ALPK1: variants seen among roughly 807,000 people sequenced by gnomAD.
ALPK1 encodes alpha kinase 1.
ALPK1 carries 110 observed loss-of-function variants against 120.6 expected under a neutral mutation model. The observed-to-expected ratio is 0.91, with a 90% CI of 0.78 to 1.07. The LOEUF is 1.07. ALPK1 is among the 50% of genes least tolerant of loss of function. ALPK1 has a pLI of 0.00. For synonymous variants in ALPK1, 582 were observed against 560.3 expected (o/e 1.04, Z -0.55); for missense variants, 1,498 against 1,483.9 (o/e 1.01, Z -0.16).
At chr4:112,441,173 G>A (rs1735028806) in intron 15 of ALPK1, 30 bp from the exon 16 acceptor site, 1 of 1,612,764 alleles carries the variant, frequency 6.2e-7, no homozygotes, top group African/African-American at 1.3e-5. Context: ...ATCTGGTGAT[G>A]CTCGCAAATA....
In ALPK1 at chr4:112,432,261, G is replaced by A. The variant is rs770512033; in HGVS notation, c.2714G>A (p.Cys905Tyr). 5.6e-6 allele frequency: 9 copies of A among 1,614,186 alleles called. No individual in the cohort carries two copies. In the South Asian group the frequency reaches 6.6e-5, roughly 12 times the overall value. ...NILFPVLSED[C>Y]TTTEEGNQPG... is the part of the protein sequence containing the mutation. Reference sequence around the variant, plus strand: ...CTCTTCCCTGTCCTCAGCGAGGACTGCACTACCACAGAGGAAGGAAATCAG... The same window carrying A: ...CTCTTCCCTGTCCTCAGCGAGGACTACACTACCACAGAGGAAGGAAATCAG... The change falls in exon 11 of 16, where the codon TGC becomes TAC. Residue 905 changes from cysteine (C) to tyrosine (Y), a missense_variant. Transcript: ENST00000650871.
intron 2 of ALPK1, among the ~76,000 whole-genome samples, chr4:112,337,956 A>T (rs920000778): frequency 1.3e-5 from 2 of 152,164 alleles, no homozygotes; most frequent in African/African-American, 4.8e-5. Flanking sequence ...AATTTTGATT[A>T]ATAAACTATT....
chr4:112,324,702 C>T lies in ALPK1; in HGVS notation c.-101+8850C>T, dbSNP rs192300708. ...TATGTGCCCAGGCTGGCTTCAAACT[C>T]GTGGCTTCAAATGATCATCCTGCCT... On this transcript the variant is annotated intron_variant, in intron 2 of 15. Coordinates refer to ENST00000650871, the MANE Select transcript of ALPK1 (RefSeq NM_025144.4). Among the ~76,000 whole-genome samples, 8 of 152,136 alleles carry T rather than the reference C, an allele frequency of 5.3e-5. No homozygotes were observed. The East Asian group carries it at 9.7e-4, about 18-fold the overall frequency.
At chr4:112,395,097 A>G (rs562729406) in intron 4 of ALPK1, among the ~76,000 whole-genome samples, 16 of 152,296 alleles carry the variant, frequency 1.1e-4, no homozygotes, top group African/African-American at 3.8e-4. Context: ...CAGCAATCTC[A>G]TATGATTCAA....
At position 112,358,959 on chromosome 4, in the gene ALPK1, C is replaced by G. The variant is rs866653448; in HGVS notation, c.-100-18719C>G. 10 of 768,872 alleles carry G rather than the reference C, an allele frequency of 1.3e-5. No homozygotes were observed. The Middle Eastern group carries it at 2.3e-3, about 177-fold the overall frequency. The allele number at this position is 768,872 out of a possible 1,614,324, so 47.6% of individuals were successfully genotyped here. On this transcript the variant is annotated intron_variant, in intron 2 of 15. Coordinates refer to ENST00000650871, the MANE Select transcript of ALPK1 (RefSeq NM_025144.4). The stretch of plus-strand genomic sequence containing the variant: ...CCAGGGCTTCTACCAGTTTGTGCAG[C>G]CCCACCACAAGCAGCAGTTTGAGGA...
intron 2 of ALPK1, among the ~76,000 whole-genome samples, chr4:112,355,661 C>T (rs975453304): frequency 2.4e-4 from 37 of 152,076 alleles, no homozygotes; most frequent in Non-Finnish European, 5.9e-5. Context: ...TGCCTGTGGG[C>T]GATGGAAGTG....
chr4:112,372,248 C>T (rs957949488), intron 2 of ALPK1, among the ~76,000 whole-genome samples: 2 of 147,518 alleles, frequency 1.4e-5, no homozygotes, highest in Non-Finnish European at 3.0e-5. Context: ...GAGTCTTGCT[C>T]TGTCGCTCAG....
At chr4:112,356,815 G>A (rs1730643934) in intron 2 of ALPK1, 20 of 727,978 alleles carry the variant, frequency 2.7e-5, no homozygotes, top group South Asian at 2.7e-4. Context: ...ACAGTTAGTT[G>A]TTGGATGCCA....
At chr4:112,417,386 A>G (rs1340499977) in intron 5 of ALPK1, among the ~76,000 whole-genome samples, 1 of 152,242 alleles carries the variant, frequency 6.6e-6, no homozygotes, top group Non-Finnish European at 1.5e-5. Context: ...GGTGCAAAAA[A>G]TCTTGAAATA....
chr4:112,400,816 C>T (rs939038074), intron 4 of ALPK1, among the ~76,000 whole-genome samples: 3 of 152,154 alleles, frequency 2.0e-5, no homozygotes, highest in Admixed American at 6.5e-5. Flanking sequence ...CAGGAACTTT[C>T]CTTCAGGCAG....
intron 2 of ALPK1, chr4:112,357,902 A>G: frequency 2.6e-6 from 3 of 1,141,184 alleles, no homozygotes; most frequent in Non-Finnish European, 3.9e-6. Flanking sequence ...CCCAGGAGCA[A>G]AGGCAGCTTC....
In ALPK1 at chr4:112,360,038, TG is replaced by T. The variant is rs556096771; in HGVS notation, c.-100-17639del. 1.9e-3 allele frequency among the ~76,000 whole-genome samples: 287 copies of T among 152,290 alleles called. 1 individual carries two copies. Among genetic ancestry groups the T allele is most frequent in the Non-Finnish European group, 3.4e-3 (231 of 68,016 alleles). ...CTTGAGTTCATTGCTCCTCTCTAACTGAAATTTTGTATCCTTTGACCAACTT... is the reference window on the plus strand; with the variant it reads ...CTTGAGTTCATTGCTCCTCTCTAACTAAATTTTGTATCCTTTGACCAACTT... On this transcript the variant is annotated intron_variant, in intron 2 of 15. Transcript: ENST00000650871.
At chr4:112,299,045 T>C (rs770745994) in intron 1 of ALPK1, among the ~76,000 whole-genome samples, 2 of 152,184 alleles carry the variant, frequency 1.3e-5, no homozygotes, top group African/African-American at 4.8e-5. Flanking sequence ...GGAATGAGCA[T>C]TTAAACTTTT....
At chr4:112,428,738 T>G (rs1442657226) in intron 9 of ALPK1, among the ~76,000 whole-genome samples, 3 of 152,228 alleles carry the variant, frequency 2.0e-5, no homozygotes, top group Non-Finnish European at 4.4e-5. Flanking sequence ...CTGTTTCCCC[T>G]GTGTCTAGAA....
intron 4 of ALPK1, among the ~76,000 whole-genome samples, chr4:112,398,066 T>C (rs1732741590): frequency 6.6e-6 from 1 of 152,122 alleles, no homozygotes; most frequent in African/African-American, 2.4e-5. Context: ...GGAAGGATTT[T>C]TTGAATAGGT....
chr4:112,441,049 A>G lies in ALPK1; in HGVS notation c.3671A>G (p.Glu1224Gly). 1 of 1,614,008 alleles carries G rather than the reference A, an allele frequency of 6.2e-7. No homozygotes were observed. The highest frequency in any genetic ancestry group is 8.5e-7 in the Non-Finnish European group (1 of 1,179,896). ...TACTTCTTTAATAACCAGCATGTGGAATGTAATGAAATCTGCCATCGTCTT... is the reference window on the plus strand; with the variant it reads ...TACTTCTTTAATAACCAGCATGTGGGATGTAATGAAATCTGCCATCGTCTT... ...IFYFFNNQHV[E>G]CNEICHRLSL... is the part of the protein sequence containing the mutation. Residue 1224 changes from glutamate to glycine, a missense_variant, in exon 15 of 16, where the codon GAA (glutamate) becomes GGA (glycine). Transcript: ENST00000650871.
At chr4:112,417,688 G>A (rs1427188931) in intron 5 of ALPK1, among the ~76,000 whole-genome samples, 3 of 152,082 alleles carry the variant, frequency 2.0e-5, no homozygotes, top group South Asian at 2.1e-4. Flanking sequence ...GTCTCTCTAC[G>A]TTGCCCAGAC....
chr4:112,433,196 C>T (rs568767759), intron 11 of ALPK1, among the ~76,000 whole-genome samples: 3 of 152,180 alleles, frequency 2.0e-5, no homozygotes, highest in Non-Finnish European at 4.4e-5. Context: ...GATTCTGTAA[C>T]AAAATGCCAT....
chr4:112,423,621 C>T, intron 5 of ALPK1: 1 of 449,066 alleles, frequency 2.2e-6, no homozygotes. Flanking sequence ...GTATAGTTTT[C>T]ACAGGGAGGC....
Sources: gnomAD v4.1 joint callset for allele counts (sites outside exome capture counted in the v4.1 genomes callset) on GRCh38, gnomAD v4.1.1 for gene constraint, MANE v1.5 for transcripts, NCBI Gene and HGNC (gene_info 2026-07-23, HGNC 2026-07-21) for gene names.